The following CELF4 variants were observed in gnomAD, a reference collection of about 807,000 sequenced individuals.
CELF4 encodes CUG-BP- and ETR-3-like factor 4.
Under a neutral mutation model 59.9 loss-of-function variants are expected in CELF4, and 18 were observed. The observed-to-expected ratio is 0.30, with a 90% confidence interval of 0.21 to 0.45. The LOEUF (loss-of-function observed/expected upper bound fraction) is 0.45, where lower values mean the gene tolerates loss of function less well. Ranked by LOEUF, CELF4 falls within the 20% of genes least tolerant of loss-of-function variation. The pLI is 1.00. For synonymous variants in CELF4, 261 were observed against 267.1 expected, an observed-to-expected ratio of 0.98 and a Z score of 0.22; for missense variants, 456 against 689.0, an observed-to-expected ratio of 0.66 and a Z score of 3.79.
intron 12 of CELF4, among the ~76,000 whole-genome samples, chr18:37,250,306 C>T (rs1382027449): frequency 6.6e-6 from 1 of 152,158 alleles, no homozygotes; most frequent in Non-Finnish European, 1.5e-5. Context: ...GCAGAAAACC[C>T]GCCAGGAAGG....
intron 2 of CELF4, among the ~76,000 whole-genome samples, chr18:37,331,197 T>C (rs573538901): frequency 6.6e-6 from 1 of 152,312 alleles, no homozygotes; most frequent in South Asian, 2.1e-4. Flanking sequence ...GCCCTGTCCC[T>C]TGAACAAAGC....
chr18:37,544,428 C>T (rs1403599228), intron 1 of CELF4, among the ~76,000 whole-genome samples: 1 of 152,218 alleles, frequency 6.6e-6, no homozygotes, highest in Non-Finnish European at 1.5e-5. Context: ...AAAGCCTCCA[C>T]TCCCCACTGA....
intron 3 of CELF4, among the ~76,000 whole-genome samples, chr18:37,277,973 G>A (rs1049805049): frequency 1.3e-5 from 2 of 152,130 alleles, no homozygotes; most frequent in African/African-American, 4.8e-5. Context: ...CCTCGCCTTC[G>A]CCTCTCCTGA....
intron 1 of CELF4, among the ~76,000 whole-genome samples, chr18:37,534,832 C>G (rs1032127374): frequency 6.6e-6 from 1 of 152,132 alleles, no homozygotes; most frequent in Non-Finnish European, 1.5e-5. Flanking sequence ...CGGTTTCAGC[C>G]TTAGAGAAGA....
chr18:37,292,242 TC>T (rs2095385857), intron 3 of CELF4, among the ~76,000 whole-genome samples: 1 of 152,200 alleles, frequency 6.6e-6, no homozygotes. Flanking sequence ...ACTACGACAC[TC>T]CCACTGAACA....
At chr18:37,537,854 C>T (rs1362750729) in intron 1 of CELF4, among the ~76,000 whole-genome samples, 2 of 152,246 alleles carry the variant, frequency 1.3e-5, no homozygotes, top group African/African-American at 4.8e-5. Context: ...TCCAACCAGG[C>T]CTGCCTCCTT....
intron 2 of CELF4, among the ~76,000 whole-genome samples, chr18:37,386,090 G>A (rs924075611): frequency 6.6e-6 from 1 of 152,210 alleles, no homozygotes; most frequent in Non-Finnish European, 1.5e-5. Context: ...ACCTGGAGAT[G>A]ATGAATGAAT....
intron 2 of CELF4, among the ~76,000 whole-genome samples, chr18:37,449,018 G>T (rs1488464925): frequency 6.6e-6 from 1 of 152,208 alleles, no homozygotes; most frequent in East Asian, 1.9e-4. Context: ...ACAGCATCAC[G>T]CTCCTTTGCC....
intron 1 of CELF4, among the ~76,000 whole-genome samples, chr18:37,541,917 A>G (rs1366268018): frequency 6.6e-6 from 1 of 152,084 alleles, no homozygotes; most frequent in African/African-American, 2.4e-5. Flanking sequence ...AACACTTATG[A>G]TCAGGTTTTT....
chr18:37,290,179 C>A (rs953374521), intron 3 of CELF4, among the ~76,000 whole-genome samples: 1 of 152,094 alleles, frequency 6.6e-6, no homozygotes, highest in Admixed American at 6.5e-5. Context: ...ATGTTCCCTG[C>A]CAGCCCCAAC....
intron 3 of CELF4, among the ~76,000 whole-genome samples, chr18:37,312,110 CAA>C (rs59872500): frequency 0.072 from 3,650 of 50,502 alleles, 74 homozygotes; most frequent in Non-Finnish European, 0.11. Flanking sequence ...GATTCCGTCT[CAA>C]AAAAAAAAAA....
chr18:37,351,020 C>T (rs1176432357), intron 2 of CELF4, among the ~76,000 whole-genome samples: 3 of 152,230 alleles, frequency 2.0e-5, no homozygotes, highest in Admixed American at 1.3e-4. Flanking sequence ...CCCTACCCAC[C>T]TCCCCCCTTC....
At position 37,435,449 on chromosome 18, in the gene CELF4, G is replaced by C. The variant is rs539073599; in HGVS notation, c.369+50076C>G. Among the ~76,000 whole-genome samples the C allele has an allele frequency of 3.9e-5, 6 of 152,186 alleles. No individual in the cohort carries two copies. The East Asian group carries it at 1.2e-3, about 29-fold the overall frequency. ...GTCTGGGGTGGGGCTGCCCCTTTTG[G>C]CTCCTAGCACCTCTCTTCAGGCTTC... On this transcript the variant is annotated intron_variant, in intron 2 of 12. Coordinates refer to ENST00000420428, the MANE Select transcript of CELF4 (RefSeq NM_020180.4).
chr18:37,516,387 C>T (rs922126028), intron 1 of CELF4, among the ~76,000 whole-genome samples: 1 of 152,202 alleles, frequency 6.6e-6, no homozygotes, highest in Admixed American at 6.5e-5. Context: ...CCTGCTAGCT[C>T]TAGTCCTCAC....
intron 5 of CELF4, 161 bp downstream of exon 5, chr18:37,274,644 T>C (rs1231871783): frequency 1.3e-6 from 2 of 1,492,102 alleles, no homozygotes; most frequent in Admixed American, 4.7e-5. Context: ...CTCAGGCCAG[T>C]TCCTTAACAT....
At chr18:37,345,290 C>G (rs968967492) in intron 2 of CELF4, among the ~76,000 whole-genome samples, 1 of 152,160 alleles carries the variant, frequency 6.6e-6, no homozygotes, top group African/African-American at 2.4e-5. Context: ...TTAATTGTTC[C>G]GCAAAAGACC....
At chr18:37,418,285 T>C (rs1411963375) in intron 2 of CELF4, among the ~76,000 whole-genome samples, 1 of 151,642 alleles carries the variant, frequency 6.6e-6, no homozygotes, top group African/African-American at 2.4e-5. Context: ...AGCATGGAGG[T>C]TTCAAACTTG....
chr18:37,474,439 G>A (rs995658814), intron 2 of CELF4, among the ~76,000 whole-genome samples: 1 of 152,234 alleles, frequency 6.6e-6, no homozygotes, highest in African/African-American at 2.4e-5. Flanking sequence ...AGAACCTGGT[G>A]TGTGGCCTTG....
intron 3 of CELF4, among the ~76,000 whole-genome samples, chr18:37,305,123 A>G (rs1362429850): frequency 6.6e-6 from 1 of 152,200 alleles, no homozygotes; most frequent in African/African-American, 2.4e-5. Context: ...CAGTGTTATT[A>G]AACTAAAGCA....
Sources: allele counts gnomAD v4.1 joint callset (sites outside exome capture counted in the v4.1 genomes callset), GRCh38; gene constraint gnomAD v4.1.1; transcripts MANE v1.5; gene names NCBI Gene and HGNC (gene_info 2026-07-23, HGNC 2026-07-21).